INPP4A: variants seen among roughly 807,000 people sequenced by gnomAD.
INPP4A encodes inositol polyphosphate-4-phosphatase type I A.
A neutral mutation model predicts 119.8 loss-of-function variants in INPP4A; 33 were observed. The ratio of observed to expected loss-of-function variants is 0.28; its 90% confidence interval spans 0.21 to 0.37. The LOEUF is 0.37. Ranked by LOEUF, INPP4A falls within the 10% of genes least tolerant of loss-of-function variation. The pLI is 1.00. For synonymous variants in INPP4A, 496 were observed against 500.7 expected (o/e 0.99, Z 0.12); for missense variants, 956 against 1,289.9 (o/e 0.74, Z 3.97).
chr2:98,457,543 C>G (rs565772531), intron 1 of INPP4A, among the ~76,000 whole-genome samples: 1 of 152,280 alleles, frequency 6.6e-6, no homozygotes, highest in Admixed American at 6.5e-5. Flanking sequence ...TAGGATTGTA[C>G]CAGTGTTTGT....
intron 4 of INPP4A, among the ~76,000 whole-genome samples, chr2:98,529,134 C>A (rs1688722524): frequency 6.6e-6 from 1 of 150,718 alleles, no homozygotes; most frequent in Non-Finnish European, 1.5e-5. Context: ...AATGAATAAG[C>A]AGTATGTGGT....
intron 1 of INPP4A, among the ~76,000 whole-genome samples, chr2:98,516,754 C>G (rs1686198150): frequency 6.6e-6 from 1 of 152,144 alleles, no homozygotes; most frequent in Non-Finnish European, 1.5e-5. Flanking sequence ...TGCAAATCTT[C>G]AGTGACACAA....
chr2:98,503,169 G>A (rs1671862685), intron 1 of INPP4A, among the ~76,000 whole-genome samples: 1 of 152,166 alleles, frequency 6.6e-6, no homozygotes, highest in Non-Finnish European at 1.5e-5. Context: ...TGCAATTCTT[G>A]TGGGCAGGTT....
chr2:98,568,233 C>CT (rs1400815530), intron 21 of INPP4A, among the ~76,000 whole-genome samples: 6 of 152,188 alleles, frequency 3.9e-5, no homozygotes, highest in African/African-American at 7.2e-5. Context: ...GCCGTCCCCC[C>CT]TCCTAAGTGC....
At chr2:98,585,875 G>A (rs539688312) in intron 24 of INPP4A, among the ~76,000 whole-genome samples, 1 of 152,162 alleles carries the variant, frequency 6.6e-6, no homozygotes, top group African/African-American at 2.4e-5. Flanking sequence ...CGCTCCTCAC[G>A]GCAGTTTAGC....
At chr2:98,491,402 C>G (rs991268479) in intron 1 of INPP4A, among the ~76,000 whole-genome samples, 6 of 152,308 alleles carry the variant, frequency 3.9e-5, no homozygotes, top group African/African-American at 1.4e-4. Flanking sequence ...TCACCATTGG[C>G]TCTTCTTTTT....
chr2:98,538,484 C>T (rs1396428033), intron 8 of INPP4A, among the ~76,000 whole-genome samples: 1 of 152,208 alleles, frequency 6.6e-6, no homozygotes, highest in Non-Finnish European at 1.5e-5. Flanking sequence ...CACACAGACA[C>T]TCAAAGAAAA....
At position 98,588,624 on chromosome 2, in the gene INPP4A, T is replaced by C. The variant is rs1700160121; in HGVS notation, c.*1016T>C. The C allele has an allele frequency of 4.5e-6, 1 of 224,162 alleles. No homozygotes were observed. Among genetic ancestry groups the C allele is most frequent in the Non-Finnish European group, 8.9e-6 (1 of 112,442 alleles). 13.9% of individuals were successfully genotyped at this position (224,162 alleles called of 1,614,324 possible). A position where few individuals can be genotyped will look rare whatever the true frequency, so the allele number is the denominator to read the frequency against. ...TGTTACTTTCTTATTCTCATTCTTA[T>C]GTAAGATGACTATTGAGAAACAGTT... On this transcript the variant is annotated 3_prime_UTR_variant, in exon 25 of 25. Transcript: ENST00000409851.
rs933624630 is a variant in INPP4A, at chr2:98,589,588, A to G, written c.*1980A>G. 5.6e-6 allele frequency: 1 copy of G among 179,236 alleles called. No individual in the cohort carries two copies. Among genetic ancestry groups the G allele is most frequent in the African/African-American group, 2.4e-5 (1 of 42,326 alleles). 11.1% of individuals were successfully genotyped at this position (179,236 alleles called of 1,614,324 possible). A position where few individuals can be genotyped will look rare whatever the true frequency, so the allele number is the denominator to read the frequency against. ...CAATTTTTGCTCTATGTAATGGGTC[A>G]CCATAAAACTGTAAGACTTGGCAAA... On this transcript the variant is annotated 3_prime_UTR_variant, in exon 25 of 25. Coordinates refer to ENST00000409851, the MANE Select transcript of INPP4A (RefSeq NM_001134225.2).
chr2:98,563,745 GC>G, intron 18 of INPP4A, 108 bp downstream of exon 18: 2 of 1,090,772 alleles, frequency 1.8e-6, no homozygotes, highest in Non-Finnish European at 2.7e-6. Flanking sequence ...ACCCCAGATG[GC>G]CATATTTCCT....
intron 22 of INPP4A, among the ~76,000 whole-genome samples, chr2:98,571,079 G>A (rs1462727112): frequency 6.6e-6 from 1 of 152,204 alleles, no homozygotes; most frequent in Non-Finnish European, 1.5e-5. Flanking sequence ...GGCCATCAGT[G>A]CCATGGACGT....
intron 1 of INPP4A, among the ~76,000 whole-genome samples, chr2:98,464,311 T>C (rs1312171112): frequency 6.6e-6 from 1 of 151,934 alleles, no homozygotes; most frequent in African/African-American, 2.4e-5. Flanking sequence ...GGCCCCAGGG[T>C]CTGCATGATG....
intron 1 of INPP4A, among the ~76,000 whole-genome samples, chr2:98,505,911 A>G (rs1683955720): frequency 6.6e-6 from 1 of 152,186 alleles, no homozygotes; most frequent in African/African-American, 2.4e-5. Flanking sequence ...CTGTTCACAA[A>G]TTTTTGTTTT....
chr2:98,478,751 G>T (rs894422947), intron 1 of INPP4A, among the ~76,000 whole-genome samples: 1 of 152,204 alleles, frequency 6.6e-6, no homozygotes, highest in Non-Finnish European at 1.5e-5. Flanking sequence ...TTGCAGGTAT[G>T]TGTCTGTCCT....
chr2:98,444,961 C>T lies in INPP4A; in HGVS notation c.-290C>T, dbSNP rs1439851372. 6.6e-6 allele frequency: 1 copy of T among 150,670 alleles called. No homozygotes were observed. The highest frequency in any genetic ancestry group is 2.4e-5 in the African/African-American group (1 of 41,258). The allele number at this position is 150,670 out of a possible 1,614,324, so 9.3% of individuals were successfully genotyped here. On this transcript the variant is annotated 5_prime_UTR_variant, in exon 1 of 25. Coordinates refer to ENST00000409851, the MANE Select transcript of INPP4A (RefSeq NM_001134225.2). ...GTGGGCCGGGGCAGGAGGACCAGCA[C>T]CTGAGGCCGGGCCCGCAGCCCGCGA...
intron 1 of INPP4A, among the ~76,000 whole-genome samples, chr2:98,480,389 A>G (rs923755491): frequency 9.2e-5 from 14 of 152,148 alleles, no homozygotes; most frequent in Admixed American, 2.6e-4. Flanking sequence ...CAGAGGAGGG[A>G]AGGGATGCTC....
At chr2:98,472,641 C>T (rs1291032457) in intron 1 of INPP4A, among the ~76,000 whole-genome samples, 1 of 152,242 alleles carries the variant, frequency 6.6e-6, no homozygotes, top group Non-Finnish European at 1.5e-5. Context: ...CCTCCCCTAG[C>T]CCCAGCCCAG....
rs1224916883 is a variant in INPP4A, at chr2:98,533,449, C to G, written c.224C>G (p.Pro75Arg). Residue 75 changes from proline (P) to arginine (R), a missense_variant, in exon 5 of 25, where the codon CCT becomes CGT. Pro to Arg is a moderately radical substitution (Grantham distance 103, BLOSUM62 -2). Coordinates refer to ENST00000409851, the MANE Select transcript of INPP4A (RefSeq NM_001134225.2). ...NSFVAVSVTT[P>R]PQAFWTKHAQ... is the part of the protein sequence containing the mutation. The stretch of plus-strand genomic sequence containing the variant: ...TTTGTTGCGGTGAGTGTCACCACCC[C>G]TCCTCAGGCATTCTGGACGAAGCAT... 3.1e-6 allele frequency: 5 copies of G among 1,613,596 alleles called. No individual in the cohort carries two copies. In the Admixed American group the frequency reaches 6.7e-5, roughly 22 times the overall value.
At chr2:98,580,423 C>A (rs1473210327) in intron 24 of INPP4A, among the ~76,000 whole-genome samples, 1 of 152,242 alleles carries the variant, frequency 6.6e-6, no homozygotes, top group African/African-American at 2.4e-5. Flanking sequence ...GGGCCCATTT[C>A]AAGCTCCCAT....
Sources: allele counts gnomAD v4.1 joint callset (sites outside exome capture counted in the v4.1 genomes callset), GRCh38; gene constraint gnomAD v4.1.1; transcripts MANE v1.5; gene names NCBI Gene and HGNC (gene_info 2026-07-23, HGNC 2026-07-21).